KMT2C: variants seen among roughly 807,000 people sequenced by gnomAD.
KMT2C encodes histone-lysine N-methyltransferase 2C.
Under a neutral mutation model 507.9 loss-of-function variants are expected in KMT2C, and 88 were observed. That is an observed-to-expected ratio of 0.17 (90% CI 0.15 to 0.21). The LOEUF (loss-of-function observed/expected upper bound fraction) is 0.21. Ranked by LOEUF, KMT2C falls within the 10% of genes least tolerant of loss-of-function variation. The pLI is 1.00. For synonymous variants in KMT2C, 2,049 were observed against 2,080.8 expected (o/e 0.98, Z 0.42); for missense variants, 4,954 against 5,957.8 (o/e 0.83, Z 5.55).
intron 1 of KMT2C, chr7:152,367,628 TG>T: frequency 7.1e-7 from 1 of 1,402,692 alleles, no homozygotes; most frequent in Non-Finnish European, 1.0e-6. Context: ...ACTATACAGG[TG>T]GACAATCCAA....
At chr7:152,355,577 AAAC>A in intron 2 of KMT2C, among the ~76,000 whole-genome samples, 1 of 152,174 alleles carries the variant, frequency 6.6e-6, no homozygotes, top group Admixed American at 6.5e-5. Context: ...AAACAAAAAA[AAAC>A]CAAGACAATG....
intron 6 of KMT2C, among the ~76,000 whole-genome samples, chr7:152,289,051 A>G (rs2096359422): frequency 6.6e-6 from 1 of 152,312 alleles, no homozygotes; most frequent in African/African-American, 2.4e-5. Context: ...TGAACCAGAA[A>G]GGAGAATGAT....
chr7:152,367,349 A>G lies in KMT2C; in HGVS notation c.162-8674T>C. On this transcript the variant is annotated intron_variant, in intron 1 of 58. Coordinates refer to ENST00000262189, the MANE Select transcript of KMT2C (RefSeq NM_170606.3). ...CCTTCGCAGAAGCCCTGAAGCAGAC[A>G]CCCCAGGGAGCACCTACCAGGGGCA... The G allele has an allele frequency of 1.0e-5, 8 of 797,112 alleles. No homozygotes were observed. The East Asian group carries it at 1.3e-4, about 13-fold the overall frequency. The allele number at this position is 797,112 out of a possible 1,614,324, so 49.4% of individuals were successfully genotyped here. A position where few individuals can be genotyped will look rare whatever the true frequency, so the allele number is the denominator to read the frequency against.
chr7:152,151,616 T>G (rs1414040432), intron 49 of KMT2C, 35 bp from the exon 50 acceptor site: 2 of 1,593,838 alleles, frequency 1.3e-6, no homozygotes, highest in African/African-American at 2.7e-5. Context: ...TAATTAAAAC[T>G]GACTGATGAC....
intron 1 of KMT2C, among the ~76,000 whole-genome samples, chr7:152,413,404 C>T (rs1564167513): frequency 6.6e-6 from 1 of 152,070 alleles, no homozygotes; most frequent in Non-Finnish European, 1.5e-5. Flanking sequence ...TAAGCCACTG[C>T]GCCCAGCCAC....
intron 26 of KMT2C, among the ~76,000 whole-genome samples, chr7:152,202,625 T>C (rs945422319): frequency 1.8e-4 from 27 of 152,318 alleles, no homozygotes; most frequent in Non-Finnish European, 3.4e-4. Flanking sequence ...GTGTGGGGTA[T>C]ACATAGCTAT....
rs2129120710 is a variant in KMT2C, at chr7:152,182,153, C to T, written c.5707G>A (p.Gly1903Ser). The T allele has an allele frequency of 6.2e-7, 1 of 1,614,116 alleles. No homozygotes were observed. The highest frequency in any genetic ancestry group is 8.5e-7 in the Non-Finnish European group (1 of 1,180,036). Residue 1903 changes from glycine (G) to serine (S), a missense_variant, in exon 36 of 59, where the codon GGT (glycine) becomes AGT (serine). Transcript: ENST00000262189. ...CCCACAGGAGGTGGTCGAGGGGTAC[C>T]AACCATTTTTGCATATGGATCCATT... ...SPMDPYAKMV[G>S]TPRPPPVGHS...
rs2094060531 is a variant in KMT2C, at chr7:152,199,284, G to C, written c.4268C>G (p.Thr1423Ser). 1 of 1,593,482 alleles carries C rather than the reference G, an allele frequency of 6.3e-7. No homozygotes were observed. Residue 1423 changes from threonine to serine, a missense_variant, in exon 27 of 59, where the codon ACT (threonine) becomes AGT (serine). Thr to Ser is a moderately conservative substitution (Grantham distance 58). Around this residue, in one of 29 missense-constraint regions of KMT2C, gnomAD observed 140 missense variants for 118.4 expected, o/e 1.18. Coordinates refer to ENST00000262189, the MANE Select transcript of KMT2C (RefSeq NM_170606.3). The stretch of plus-strand genomic sequence containing the variant: ...CTGTGAATAATTCTACATACCGTGA[G>C]TTCCAGATTTTGTTGGAGCCGAGGA... The part of the protein sequence containing the change: ...SSSSAPTKSG[T>S]HGPADDPLAD...
intron 15 of KMT2C, among the ~76,000 whole-genome samples, chr7:152,237,688 A>G (rs2095305377): frequency 1.3e-5 from 2 of 152,038 alleles, no homozygotes; most frequent in East Asian, 3.9e-4. Flanking sequence ...TTTAGTAGAG[A>G]CAGGGTTTCA....
rs2129103948 is a variant in KMT2C at position 152,162,685 on chromosome 7, G to A, written c.10892C>T (p.Ala3631Val). Reference protein sequence around the residue: ...APSTPHSDITAPPTPGISETT... With the variant: ...APSTPHSDITVPPTPGISETT... ...TTCTGAGATGCCTGGAGTCGGTGGGGCAGTTATATCTGAATGGGGAGTTGA... is the reference window on the plus strand; with the variant it reads ...TTCTGAGATGCCTGGAGTCGGTGGGACAGTTATATCTGAATGGGGAGTTGA... Residue 3631 changes from alanine (A) to valine (V), a missense_variant, in exon 43 of 59, where the codon GCC (alanine) becomes GTC (valine). This residue lies in a region of KMT2C where 801 missense variants were observed against 751.2 expected (regional missense o/e 1.07). Transcript: ENST00000262189. The A allele has an allele frequency of 6.2e-7, 1 of 1,614,210 alleles. No homozygotes were observed. Among genetic ancestry groups the A allele is most frequent in the East Asian group, 2.2e-5 (1 of 44,886 alleles).
chr7:152,417,679 T>C (rs1296323988), intron 1 of KMT2C, among the ~76,000 whole-genome samples: 1 of 152,158 alleles, frequency 6.6e-6, no homozygotes, highest in African/African-American at 2.4e-5. Flanking sequence ...TCTTGCTCTG[T>C]CGCCCAGGCT....
intron 1 of KMT2C, chr7:152,368,789 AATT>A: frequency 1.4e-6 from 1 of 712,334 alleles, no homozygotes; most frequent in Non-Finnish European, 2.3e-6. Context: ...GCGTGACAAA[AATT>A]ATTTTTTCTT....
At position 152,162,273 on chromosome 7, in the gene KMT2C, G is replaced by A. The variant is rs570223345; in HGVS notation, c.11304C>T (p.Ala3768=). The A allele has an allele frequency of 6.2e-7, 1 of 1,614,066 alleles. No individual in the cohort carries two copies. The highest frequency in any genetic ancestry group is 1.3e-5 in the African/African-American group (1 of 75,030). The change falls in exon 43 of 59, where the codon GCC becomes GCT. Residue 3768 remains alanine (A), a synonymous_variant. Coordinates refer to ENST00000262189, the MANE Select transcript of KMT2C (RefSeq NM_170606.3). Reference sequence around the variant, plus strand: ...GAAGTTCATTCCCTGAGTCTCCTTTGGCAGCAGGGGCCCCAGCAGAATGGG... The same window carrying A: ...GAAGTTCATTCCCTGAGTCTCCTTTAGCAGCAGGGGCCCCAGCAGAATGGG... ...SPPHSAGAPA[A]KGDSGNELLK...
At chr7:152,350,510 G>T (rs181485581) in intron 2 of KMT2C, among the ~76,000 whole-genome samples, 13 of 152,272 alleles carry the variant, frequency 8.5e-5, no homozygotes, top group Non-Finnish European at 1.5e-4. Flanking sequence ...TGTACAGCAT[G>T]TTACTGTACG....
intron 1 of KMT2C, among the ~76,000 whole-genome samples, chr7:152,432,741 G>C (rs1184358542): frequency 6.6e-6 from 1 of 152,144 alleles, no homozygotes; most frequent in Admixed American, 6.5e-5. Flanking sequence ...TATAAGACAA[G>C]AAAATGCTTT....
rs776192339 is a variant in KMT2C, at chr7:152,182,348, G to C, written c.5512C>G (p.Pro1838Ala). 1 of 1,613,872 alleles carries C rather than the reference G, an allele frequency of 6.2e-7. No homozygotes were observed. Among genetic ancestry groups the C allele is most frequent in the African/African-American group, 1.3e-5 (1 of 75,026 alleles). ...ELFTKQPPSTPTSTSSDDVFV... is the reference protein window; with the variant it reads ...ELFTKQPPSTATSTSSDDVFV... The stretch of plus-strand genomic sequence containing the variant: ...ACATCATCTGAAGATGTAGACGTAG[G>C]GGTACTGGGTGGCTGTTTTGTAAAC... Residue 1838 changes from proline (P) to alanine (A), a missense_variant, in exon 36 of 59, where the codon CCT becomes GCT. Coordinates refer to ENST00000262189, the MANE Select transcript of KMT2C (RefSeq NM_170606.3).
At chr7:152,402,117 ACAAACAAACAAAC>A (rs1278731139) in intron 1 of KMT2C, among the ~76,000 whole-genome samples, 1,560 of 152,120 alleles carry the variant, frequency 0.01, no homozygotes, top group African/African-American at 0.023. Context: ...TCTCAAAAAA[ACAAACAAACAAAC>A]AAAAGTTACT....
At chr7:152,217,340 A>T (rs1484518183) in intron 23 of KMT2C, among the ~76,000 whole-genome samples, 1 of 152,190 alleles carries the variant, frequency 6.6e-6, no homozygotes, top group Non-Finnish European at 1.5e-5. Flanking sequence ...TAGTAATCTA[A>T]AACATTTTTA....
chr7:152,223,560 G>A (rs1261232261), intron 20 of KMT2C, among the ~76,000 whole-genome samples: 1 of 152,114 alleles, frequency 6.6e-6, no homozygotes, highest in Non-Finnish European at 1.5e-5. Context: ...TTAGGAGGCT[G>A]AGGCGGGCGG....
Sources: gnomAD v4.1 joint callset for allele counts (sites outside exome capture counted in the v4.1 genomes callset) on GRCh38, gnomAD v4.1.1 for gene constraint, gnomAD v4.1.1 regional missense constraint, MANE v1.5 for transcripts, NCBI Gene and HGNC (gene_info 2026-07-23, HGNC 2026-07-21) for gene names.